Variants in PXDNL observed in about 807,000 individuals in gnomAD.
The protein encoded by PXDNL is peroxidasin like.
In PXDNL, 145 loss-of-function variants were observed where a neutral mutation model predicts 150.8. The observed-to-expected ratio is 0.96, with a 90% CI of 0.84 to 1.10. The LOEUF (loss-of-function observed/expected upper bound fraction) is 1.10, where lower values mean the gene tolerates loss of function less well. Ranked by LOEUF, PXDNL falls within the 50% of genes least tolerant of loss-of-function variation. PXDNL has a pLI of 0.00. For synonymous variants in PXDNL, 757 were observed against 725.7 expected (o/e 1.04, Z -0.69); for missense variants, 2,087 against 1,873.9 (o/e 1.11, Z -2.10).
At chr8:51,375,774 C>T (rs769222733) in intron 17 of PXDNL, among the ~76,000 whole-genome samples, 7 of 152,144 alleles carry the variant, frequency 4.6e-5, no homozygotes, top group Admixed American at 1.3e-4. Flanking sequence ...CTAGACTAGG[C>T]GTCAGCAAAT....
chr8:51,761,787 A>T (rs2037169286), intron 1 of PXDNL, among the ~76,000 whole-genome samples: 1 of 152,256 alleles, frequency 6.6e-6, no homozygotes, highest in Non-Finnish European at 1.5e-5. Flanking sequence ...TAAATATAAC[A>T]GAAAATTTCA....
intron 2 of PXDNL, among the ~76,000 whole-genome samples, chr8:51,600,340 T>C (rs182036892): frequency 7.6e-4 from 93 of 122,622 alleles, no homozygotes; most frequent in Middle Eastern, 0.013. Flanking sequence ...ATATAAATTA[T>C]ATCGTTTAGA....
At chr8:51,773,199 A>G (rs1413271511) in intron 1 of PXDNL, among the ~76,000 whole-genome samples, 3 of 152,238 alleles carry the variant, frequency 2.0e-5, no homozygotes, top group African/African-American at 7.2e-5. Context: ...GCCTTTACAT[A>G]TATCATTTAA....
intron 1 of PXDNL, among the ~76,000 whole-genome samples, chr8:51,806,149 C>T (rs1450667898): frequency 6.6e-6 from 1 of 152,132 alleles, no homozygotes; most frequent in Non-Finnish European, 1.5e-5. Flanking sequence ...AAACCCTGAT[C>T]AACTGTAACC....
rs9643464 is a variant in PXDNL, at chr8:51,712,530, C to A, written c.165-57770G>T. Among the ~76,000 whole-genome samples the A allele has an allele frequency of 2.9e-4, 44 of 152,320 alleles. No homozygotes were observed. In the East Asian group the frequency reaches 7.7e-3, roughly 27 times the overall value. ...GTTTAACTCACTCATATCCCAAGCA[C>A]CTAGAATCATGCCTGGGACATAGTA... On this transcript the variant is annotated intron_variant, in intron 1 of 22. Coordinates refer to ENST00000356297, the MANE Select transcript of PXDNL (RefSeq NM_144651.5).
intron 21 of PXDNL, among the ~76,000 whole-genome samples, chr8:51,331,374 G>A (rs1181504046): frequency 6.6e-6 from 1 of 152,170 alleles, no homozygotes; most frequent in East Asian, 1.9e-4. Flanking sequence ...ACACTGCAGG[G>A]ATCCATCAGG....
chr8:51,728,719 A>T (rs1254333154), intron 1 of PXDNL, among the ~76,000 whole-genome samples: 1 of 152,162 alleles, frequency 6.6e-6, no homozygotes, highest in Non-Finnish European at 1.5e-5. Context: ...CAAAAAAGTT[A>T]AAAAAATTAA....
chr8:51,672,910 T>A (rs1815529746), intron 1 of PXDNL, among the ~76,000 whole-genome samples: 1 of 152,220 alleles, frequency 6.6e-6, no homozygotes, highest in Non-Finnish European at 1.5e-5. Flanking sequence ...ATTCCTGATT[T>A]GCTGTGAAAT....
intron 17 of PXDNL, among the ~76,000 whole-genome samples, chr8:51,382,374 A>G (rs1246441220): frequency 1.3e-5 from 2 of 152,066 alleles, no homozygotes; most frequent in Non-Finnish European, 1.5e-5. Flanking sequence ...GGGATGATAA[A>G]CTTCTGATGT....
intron 1 of PXDNL, among the ~76,000 whole-genome samples, chr8:51,735,551 T>G (rs1358429292): frequency 9.0e-5 from 12 of 134,058 alleles, no homozygotes; most frequent in African/African-American, 3.5e-4. Context: ...TTTTTTTTTT[T>G]TTTTTTTTTT....
intron 4 of PXDNL, among the ~76,000 whole-genome samples, chr8:51,553,571 G>A (rs898667314): frequency 2.2e-4 from 34 of 151,948 alleles, no homozygotes; most frequent in Non-Finnish European, 5.9e-5. Flanking sequence ...GTTTATATAT[G>A]CGCATTGAAA....
chr8:51,373,106 T>A (rs1807177734), intron 18 of PXDNL, among the ~76,000 whole-genome samples: 2 of 152,204 alleles, frequency 1.3e-5, no homozygotes, highest in Non-Finnish European at 2.9e-5. Flanking sequence ...CGAAGGTGAC[T>A]CTATTTGGAG....
chr8:51,331,379 A>G (rs1371977764), intron 21 of PXDNL, among the ~76,000 whole-genome samples: 3 of 152,196 alleles, frequency 2.0e-5, no homozygotes, highest in Admixed American at 2.0e-4. Flanking sequence ...GCAGGGATCC[A>G]TCAGGAGAGA....
In PXDNL at chr8:51,374,771, A is replaced by T. The variant is rs181302149; in HGVS notation, c.3558-40T>A. 1.8e-5 allele frequency: 29 copies of T among 1,597,556 alleles called. No individual in the cohort carries two copies. In the South Asian group the frequency reaches 3.3e-4, roughly 18 times the overall value. On this transcript the variant is annotated intron_variant, in intron 17 of 22. Coordinates refer to ENST00000356297, the MANE Select transcript of PXDNL (RefSeq NM_144651.5). ...GGCAGACAGCGCACACCTGAGACTG[A>T]AAGTGGAATTGAAAATATTCCTTAT...
At chr8:51,639,568 C>T (rs61037356) in intron 2 of PXDNL, among the ~76,000 whole-genome samples, 1 of 152,148 alleles carries the variant, frequency 6.6e-6, no homozygotes, top group African/African-American at 2.4e-5. Flanking sequence ...GAGAATACTA[C>T]AAACACCTCT....
intron 22 of PXDNL, 33 bp from the exon 23 acceptor site, chr8:51,320,055 T>C: frequency 5.1e-6 from 7 of 1,374,998 alleles, no homozygotes; most frequent in Non-Finnish European, 5.7e-6. Context: ...CACCTCCATG[T>C]TTCTTATAAT....
At chr8:51,584,781 C>T (rs2130636593) in intron 3 of PXDNL, among the ~76,000 whole-genome samples, 1 of 152,238 alleles carries the variant, frequency 6.6e-6, no homozygotes, top group Non-Finnish European at 1.5e-5. Flanking sequence ...TGAGATTTTA[C>T]TTCATCCCAA....
intron 17 of PXDNL, among the ~76,000 whole-genome samples, chr8:51,403,098 A>AAAAAAG (rs570406838): frequency 2.0e-5 from 3 of 150,628 alleles, no homozygotes; most frequent in East Asian, 2.0e-4. Context: ...CAAAAAAAAA[A>AAAAAAG]AAAAAGAAAA....
At chr8:51,460,091 A>T (rs1250369480) in intron 8 of PXDNL, among the ~76,000 whole-genome samples, 3 of 151,694 alleles carry the variant, frequency 2.0e-5, no homozygotes, top group African/African-American at 4.8e-5. Flanking sequence ...CTACAAAAAA[A>T]ATCTAAAAAT....
Sources: gnomAD v4.1 joint callset for allele counts (sites outside exome capture counted in the v4.1 genomes callset) on GRCh38, gnomAD v4.1.1 for gene constraint, MANE v1.5 for transcripts, NCBI Gene and HGNC (gene_info 2026-07-23, HGNC 2026-07-21) for gene names.